Variants in MLLT3 observed in about 807,000 individuals in gnomAD.
MLLT3 encodes protein AF-9.
Under a neutral mutation model 53.2 loss-of-function variants are expected in MLLT3, and 4 were observed. The ratio of observed to expected loss-of-function variants is 0.08; its 90% CI spans 0.04 to 0.17. MLLT3 has a LOEUF of 0.17. MLLT3 is among the 10% of genes least tolerant of loss of function. The pLI is 1.00. For missense variants in MLLT3, 569 were observed against 684.0 expected, an observed-to-expected ratio of 0.83 and a Z score of 1.87; for synonymous variants, 283 against 230.6, an observed-to-expected ratio of 1.23 and a Z score of -2.06.
chr9:20,422,604 C>A (rs148130142), intron 4 of MLLT3, among the ~76,000 whole-genome samples: 139 of 152,200 alleles, frequency 9.1e-4, no homozygotes, highest in African/African-American at 3.2e-3. Context: ...TGATGCTGAC[C>A]GTTCAAGGAG....
intron 2 of MLLT3, among the ~76,000 whole-genome samples, chr9:20,500,608 A>G (rs1328570503): frequency 1.3e-5 from 2 of 152,192 alleles, no homozygotes; most frequent in East Asian, 3.8e-4. Context: ...GGGCATCAAG[A>G]ACTATTGACC....
chr9:20,593,367 C>T (rs1330922), intron 2 of MLLT3, among the ~76,000 whole-genome samples: 119,871 of 152,042 alleles, frequency 0.79, 47,452 homozygotes, highest in Middle Eastern at 0.89. Flanking sequence ...TATTTGAGGG[C>T]AGAAACCCGT....
At chr9:20,380,220 A>G (rs537690254) in intron 5 of MLLT3, 1 of 152,074 alleles carries the variant, frequency 6.6e-6, no homozygotes, top group African/African-American at 2.4e-5. Context: ...ATGTCCTTCA[A>G]CAATGGCAGC....
chr9:20,481,353 A>G (rs1824657461), intron 2 of MLLT3, among the ~76,000 whole-genome samples: 1 of 152,194 alleles, frequency 6.6e-6, no homozygotes, highest in Non-Finnish European at 1.5e-5. Context: ...TATTTTCCTC[A>G]GGAACCTGAA....
At chr9:20,498,143 A>G (rs1265948171) in intron 2 of MLLT3, among the ~76,000 whole-genome samples, 2 of 146,614 alleles carry the variant, frequency 1.4e-5, no homozygotes, top group Non-Finnish European at 3.0e-5. Context: ...AATCACTTGA[A>G]CCTGGGAGGT....
At chr9:20,438,866 C>T (rs1163344515) in intron 4 of MLLT3, among the ~76,000 whole-genome samples, 1 of 152,180 alleles carries the variant, frequency 6.6e-6, no homozygotes, top group East Asian at 1.9e-4. Context: ...TATTTTACTT[C>T]ATTTTACTCT....
At chr9:20,361,678 T>G (rs956532375) in intron 7 of MLLT3, among the ~76,000 whole-genome samples, 1 of 152,202 alleles carries the variant, frequency 6.6e-6, no homozygotes, top group Admixed American at 6.5e-5. Flanking sequence ...CTCCCCATTT[T>G]TTCTTTTCAG....
intron 5 of MLLT3, among the ~76,000 whole-genome samples, chr9:20,390,860 C>T (rs1056238151): frequency 2.0e-5 from 3 of 152,084 alleles, no homozygotes; most frequent in Non-Finnish European, 2.9e-5. Flanking sequence ...AGCCTGTAAC[C>T]CCAGCTACTC....
rs1043429028 is a variant in MLLT3, at chr9:20,621,708, G to A, written c.12+537C>T. ...CCTCCCGGCGCTGGGGCAAAGTTGCGTGCGGCCCCGCCGCTGTCAGCCCCG... is the reference window on the plus strand; with the variant it reads ...CCTCCCGGCGCTGGGGCAAAGTTGCATGCGGCCCCGCCGCTGTCAGCCCCG... On this transcript the variant is annotated intron_variant, in intron 1 of 10. Coordinates refer to ENST00000380338, the MANE Select transcript of MLLT3 (RefSeq NM_004529.4). This position sits in a 1 kb window ranked among gnomAD's most constrained non-coding sequence, Gnocchi z 7.0. 339 of 1,458,584 alleles carry A rather than the reference G, an allele frequency of 2.3e-4. No homozygotes were observed. Among genetic ancestry groups the A allele is most frequent in the Non-Finnish European group, 3.0e-4 (328 of 1,101,594 alleles). 90.4% of individuals were successfully genotyped at this position (1,458,584 alleles called of 1,614,324 possible).
chr9:20,414,470 C>G (rs749497664), intron 4 of MLLT3, 45 bp from the exon 5 acceptor site: 1 of 1,593,212 alleles, frequency 6.3e-7, no homozygotes, highest in South Asian at 1.1e-5. Context: ...AACTAAATAG[C>G]AATGAAGAGT....
intron 10 of MLLT3, among the ~76,000 whole-genome samples, chr9:20,348,784 T>C (rs1360000958): frequency 1.3e-5 from 2 of 152,238 alleles, no homozygotes; most frequent in Non-Finnish European, 2.9e-5. Context: ...ATTTGTTTTA[T>C]TAGTTATTAG....
intron 4 of MLLT3, among the ~76,000 whole-genome samples, chr9:20,440,032 T>C (rs1366697910): frequency 2.0e-5 from 3 of 152,168 alleles, no homozygotes; most frequent in African/African-American, 7.2e-5. Flanking sequence ...CAGAAAATTA[T>C]GGTTTAACCA....
At chr9:20,441,073 T>C (rs1474842193) in intron 4 of MLLT3, among the ~76,000 whole-genome samples, 2 of 152,160 alleles carry the variant, frequency 1.3e-5, no homozygotes, top group Non-Finnish European at 2.9e-5. Flanking sequence ...AACATCTCCC[T>C]CTCTCCTCTG....
At chr9:20,502,803 T>C (rs895392983) in intron 2 of MLLT3, among the ~76,000 whole-genome samples, 1 of 152,018 alleles carries the variant, frequency 6.6e-6, no homozygotes, top group Non-Finnish European at 1.5e-5. Context: ...AACCCTAACA[T>C]CTCCATCAAA....
intron 2 of MLLT3, among the ~76,000 whole-genome samples, chr9:20,458,434 G>A (rs1469418916): frequency 1.3e-5 from 2 of 152,068 alleles, no homozygotes; most frequent in East Asian, 3.9e-4. Flanking sequence ...TTAGATCTCT[G>A]GGTTCCTCTT....
chr9:20,520,101 G>C (rs1176199460), intron 2 of MLLT3, among the ~76,000 whole-genome samples: 1 of 152,142 alleles, frequency 6.6e-6, no homozygotes, highest in Non-Finnish European at 1.5e-5. Context: ...CACAGGAACA[G>C]AAAGCCAAAT....
At chr9:20,442,465 T>C (rs537190543) in intron 4 of MLLT3, among the ~76,000 whole-genome samples, 1 of 152,218 alleles carries the variant, frequency 6.6e-6, no homozygotes, top group South Asian at 2.1e-4. Flanking sequence ...CTGTATGTCA[T>C]GATGCACTGT....
intron 2 of MLLT3, among the ~76,000 whole-genome samples, chr9:20,510,613 G>GAAA (rs36032614): frequency 1.9e-4 from 20 of 105,926 alleles, no homozygotes; most frequent in Admixed American, 6.2e-4. Flanking sequence ...CTCCATCTCA[G>GAAA]AAAAAAAAAA....
chr9:20,516,615 A>G (rs1226485956), intron 2 of MLLT3, among the ~76,000 whole-genome samples: 1 of 152,246 alleles, frequency 6.6e-6, no homozygotes, highest in East Asian at 1.9e-4. Context: ...AAAGCTTATT[A>G]GAATGCTCTA....
Sources: gnomAD v4.1 joint callset for allele counts (sites outside exome capture counted in the v4.1 genomes callset) on GRCh38, gnomAD v4.1.1 for gene constraint, Gnocchi (gnomAD v3.1) non-coding constraint, MANE v1.5 for transcripts, NCBI Gene and HGNC (gene_info 2026-07-23, HGNC 2026-07-21) for gene names.